GSE1: variants seen among roughly 807,000 people sequenced by gnomAD.
GSE1 encodes the protein genetic suppressor element 1.
A neutral mutation model predicts 112.6 loss-of-function variants in GSE1; 32 were observed. That is an observed-to-expected ratio of 0.28 (90% CI 0.21 to 0.38). The LOEUF (loss-of-function observed/expected upper bound fraction) is 0.38, where lower values mean the gene tolerates loss of function less well. GSE1 is among the 10% of genes least tolerant of loss of function. The pLI is 1.00. For missense variants in GSE1, 2,348 were observed against 1,699.2 expected (o/e 1.38, Z -6.71); for synonymous variants, 1,115 against 735.6 (o/e 1.52, Z -8.35).
Position 85,615,729 on chromosome 16 carries a change from T to TG in GSE1, c.7+2332dup, listed in dbSNP as rs1189996289. Among the ~76,000 whole-genome samples, 8 of 152,154 alleles carry TG rather than the reference T, an allele frequency of 5.3e-5. No individual in the cohort carries two copies. In the East Asian group the frequency reaches 1.4e-3, roughly 26 times the overall value. ...TGGGACAGTTTTTAGGATCTTGGAG[T>TG]GTCAGAGTTCAAAGGGGCTTGTACA... On this transcript the variant is annotated intron_variant, in intron 1 of 15. Transcript: ENST00000253458.
chr16:85,215,638 C>T lies in GSE1; in HGVS notation c.2283+43831C>T, dbSNP rs536099266. Among the ~76,000 whole-genome samples, 17 of 152,312 alleles carry T rather than the reference C, an allele frequency of 1.1e-4. No individual in the cohort carries two copies. In the South Asian group the frequency reaches 2.9e-3, roughly 26 times the overall value. The stretch of plus-strand genomic sequence containing the variant: ...ATGCCTGTTAGAGAAGTGCCTGACA[C>T]GCGGCTGTTGTTTGTTCACTCAGCA... On this transcript the variant is annotated intron_variant, in intron 1 of 2. Coordinates refer to the GSE1 transcript ENST00000637419.
intron 2 of GSE1, among the ~76,000 whole-genome samples, chr16:85,508,591 G>A (rs2051622578): frequency 6.6e-6 from 1 of 152,184 alleles, no homozygotes. Flanking sequence ...GCCTGGATGG[G>A]TGTCAGGGCA....
chr16:85,349,694 A>AAG lies in GSE1; in HGVS notation c.2284-7766_2284-7765dup, dbSNP rs533205525. On this transcript the variant is annotated intron_variant, in intron 1 of 2. Coordinates refer to the GSE1 transcript ENST00000637419. ...CTGTGCTTGATTTTTCCTCGGGGCGAAGAGGAGGCGACGCCGTGTTCTTTT... is the reference window on the plus strand; with the variant it reads ...CTGTGCTTGATTTTTCCTCGGGGCGAAGAGAGGAGGCGACGCCGTGTTCTTTT... Among the ~76,000 whole-genome samples the AAG allele has an allele frequency of 2.1e-3, 326 of 152,136 alleles. 2 individuals are homozygous for AAG. The highest frequency in any genetic ancestry group is 6.8e-3 in the Middle Eastern group (2 of 294).
intron 2 of GSE1, among the ~76,000 whole-genome samples, chr16:85,367,864 T>TTC (rs398030074): frequency 3.3e-5 from 5 of 150,756 alleles, no homozygotes; most frequent in African/African-American, 1.2e-4. Flanking sequence ...TTTTTTTTTT[T>TTC]CCGAGATGGA....
rs532769448 is a variant in GSE1 at position 85,229,304 on chromosome 16, A to C, written c.2283+57497A>C. Among the ~76,000 whole-genome samples, 6 of 152,292 alleles carry C rather than the reference A, an allele frequency of 3.9e-5. No individual in the cohort carries two copies. In the East Asian group the frequency reaches 1.2e-3, roughly 29 times the overall value. ...GGCCGGAGCCAGCTCTGGCCTTGGCAGGGCGGACACGGTGAGAGTCAGCTC... is the reference window on the plus strand; with the variant it reads ...GGCCGGAGCCAGCTCTGGCCTTGGCCGGGCGGACACGGTGAGAGTCAGCTC... On this transcript the variant is annotated intron_variant, in intron 1 of 2. Transcript: ENST00000637419.
chr16:85,652,097 C>A (rs181676085), intron 3 of GSE1, among the ~76,000 whole-genome samples: 59 of 152,362 alleles, frequency 3.9e-4, no homozygotes, highest in Middle Eastern at 6.8e-3. Context: ...GTCCGGGCCC[C>A]CACCCTGCTG....
At chr16:85,256,938 G>A (rs1457412888) in intron 1 of GSE1, among the ~76,000 whole-genome samples, 1 of 152,206 alleles carries the variant, frequency 6.6e-6, no homozygotes, top group Non-Finnish European at 1.5e-5. Flanking sequence ...ACTGCATTGA[G>A]CAACACAGAT....
rs543261724 is a variant in GSE1, at chr16:85,627,673, C to T, written c.8-6241C>T. ...TGTACAGTGCGGAGACAGCCCCCGG[C>T]CCCCCGGCCCCCCGGCCCTCATCCG... On this transcript the variant is annotated intron_variant, in intron 1 of 15. Coordinates refer to ENST00000253458, the MANE Select transcript of GSE1 (RefSeq NM_014615.5). Among the ~76,000 whole-genome samples the T allele has an allele frequency of 1.2e-4, 18 of 151,476 alleles. 1 individual carries two copies. The highest frequency in any genetic ancestry group is 1.0e-4 in the Non-Finnish European group (7 of 67,778).
At chr16:85,362,379 A>G (rs1009265418) in intron 2 of GSE1, among the ~76,000 whole-genome samples, 1 of 152,172 alleles carries the variant, frequency 6.6e-6, no homozygotes, top group African/African-American at 2.4e-5. Context: ...TCCCTAGAAC[A>G]ATTATCTTTG....
At chr16:85,606,755 G>A (rs1300701249), upstream of GSE1, among the ~76,000 whole-genome samples, 2 of 152,190 alleles carry the variant, frequency 1.3e-5, no homozygotes, top group East Asian at 3.8e-4. Flanking sequence ...ACTTGGCCAG[G>A]GCCGTCTGGC....
intron 14 of GSE1, among the ~76,000 whole-genome samples, chr16:85,668,699 G>T (rs969582129): frequency 1.3e-5 from 2 of 152,178 alleles, no homozygotes; most frequent in Non-Finnish European, 2.9e-5. Flanking sequence ...TCTGTGGGCT[G>T]CATCAGTGCT....
chr16:85,423,983 C>T (rs2048910758), intron 2 of GSE1, among the ~76,000 whole-genome samples: 1 of 151,920 alleles, frequency 6.6e-6, no homozygotes, highest in African/African-American at 2.4e-5. Context: ...GCACTGCCTG[C>T]TCTCCTCGAG....
At chr16:85,250,677 T>G (rs1322587733) in intron 1 of GSE1, among the ~76,000 whole-genome samples, 1 of 152,240 alleles carries the variant, frequency 6.6e-6, no homozygotes, top group African/African-American at 2.4e-5. Flanking sequence ...TGAGATATAA[T>G]TCACATATCA....
intron 2 of GSE1, among the ~76,000 whole-genome samples, chr16:85,464,554 C>T (rs1479446322): frequency 3.9e-5 from 6 of 152,196 alleles, no homozygotes; most frequent in Admixed American, 6.5e-5. Context: ...CCTGGTCATG[C>T]GGTGTCTGGG....
At position 85,456,600 on chromosome 16, in the gene GSE1, G is replaced by A. The variant is rs1171513024; in HGVS notation, c.2464+98957G>A. Among the ~76,000 whole-genome samples the A allele has an allele frequency of 2.4e-4, 35 of 147,248 alleles. 1 individual carries two copies. The highest frequency in any genetic ancestry group is 8.9e-4 in the African/African-American group (35 of 39,260). ...CTGCCGTGTGTGTGTGTGTGTGTGT[G>A]TGTGTGTGTGTGTGTGTGTGTGTGT... On this transcript the variant is annotated intron_variant, in intron 2 of 2. Coordinates refer to the GSE1 transcript ENST00000637419.
chr16:85,547,954 GA>G (rs2044758780), intron 2 of GSE1, among the ~76,000 whole-genome samples: 1 of 151,710 alleles, frequency 6.6e-6, no homozygotes, highest in South Asian at 2.1e-4. Flanking sequence ...GAGGCCGGGC[GA>G]GGTGGCTCAT....
chr16:85,503,832 C>T (rs1366504026), intron 2 of GSE1, among the ~76,000 whole-genome samples: 4 of 152,168 alleles, frequency 2.6e-5, no homozygotes, highest in Non-Finnish European at 2.9e-5. Context: ...TATCATCACC[C>T]GTGAACCCAT....
intron 2 of GSE1, among the ~76,000 whole-genome samples, chr16:85,531,752 G>A (rs371625822): frequency 6.6e-6 from 1 of 152,228 alleles, no homozygotes. Context: ...AGGATGGACC[G>A]GATGGCCCCG....
chr16:85,672,306 A>C, intron 15 of GSE1, 99 bp from the exon 16 acceptor site: 1 of 893,202 alleles, frequency 1.1e-6, no homozygotes, highest in African/African-American at 1.7e-5. Flanking sequence ...GGACATTTTC[A>C]AATGTAGGTT....
Sources: gnomAD v4.1 joint callset for allele counts (sites outside exome capture counted in the v4.1 genomes callset) on GRCh38, gnomAD v4.1.1 for gene constraint, MANE v1.5 for transcripts, NCBI Gene and HGNC (gene_info 2026-07-23, HGNC 2026-07-21) for gene names.